COL26A1: variants seen among roughly 807,000 people sequenced by gnomAD.
The protein encoded by COL26A1 is collagen type XXVI alpha 1 chain, also known as collagen alpha-1(XXVI) chain.
A neutral mutation model predicts 59.3 loss-of-function variants in COL26A1; 41 were observed. The ratio of observed to expected loss-of-function variants is 0.69; its 90% CI spans 0.54 to 0.90. The LOEUF is 0.90. Ranked by LOEUF, COL26A1 falls within the 40% of genes least tolerant of loss-of-function variation. The pLI, the probability that COL26A1 is intolerant of heterozygous loss-of-function variation, is 0.00. For missense variants in COL26A1, 612 were observed against 602.3 expected (o/e 1.02, Z -0.17); for synonymous variants, 266 against 256.0 (o/e 1.04, Z -0.37).
intron 3 of COL26A1, among the ~76,000 whole-genome samples, chr7:101,487,136 G>A (rs373891631): frequency 6.6e-6 from 1 of 152,178 alleles, no homozygotes. Flanking sequence ...CCCAGGAACC[G>A]GCAGCACCAG....
chr7:101,403,681 C>G (rs117299096), intron 1 of COL26A1, among the ~76,000 whole-genome samples: 1 of 152,184 alleles, frequency 6.6e-6, no homozygotes, highest in East Asian at 1.9e-4. Context: ...CCAGCCTAAA[C>G]CATCTTTTCA....
chr7:101,438,955 G>A (rs918197381), intron 2 of COL26A1, among the ~76,000 whole-genome samples: 1 of 152,312 alleles, frequency 6.6e-6, no homozygotes, highest in African/African-American at 2.4e-5. Context: ...TGGGATTACA[G>A]GCGTGAGCCA....
At chr7:101,435,599 C>T (rs1040302560) in intron 2 of COL26A1, among the ~76,000 whole-genome samples, 7 of 152,136 alleles carry the variant, frequency 4.6e-5, no homozygotes, top group African/African-American at 1.4e-4. Context: ...GGACGTTGGG[C>T]GTCACGGACA....
intron 3 of COL26A1, among the ~76,000 whole-genome samples, chr7:101,460,824 C>T (rs867930805): frequency 4.6e-5 from 7 of 151,558 alleles, no homozygotes; most frequent in East Asian, 1.9e-4. Context: ...AGCCTCATTG[C>T]GTCTACATCA....
At chr7:101,554,753 A>G (rs1227155572) in intron 11 of COL26A1, among the ~76,000 whole-genome samples, 1 of 151,788 alleles carries the variant, frequency 6.6e-6, no homozygotes, top group Non-Finnish European at 1.5e-5. Context: ...CTAAAACCTA[A>G]AAAAACCCCA....
At chr7:101,509,711 C>A (rs1794882268) in intron 3 of COL26A1, among the ~76,000 whole-genome samples, 1 of 152,098 alleles carries the variant, frequency 6.6e-6, no homozygotes, top group Non-Finnish European at 1.5e-5. Context: ...GGCTTCCTGG[C>A]CTCTTTCAGC....
intron 10 of COL26A1, 94 bp downstream of exon 10, chr7:101,551,237 G>GGTGGGGGGGGGGT: frequency 2.6e-6 from 1 of 386,362 alleles, no homozygotes. Flanking sequence ...TGGTGGGGGG[G>GGTGGGGGGGGGGT]TTCAGCCCTG....
intron 1 of COL26A1, among the ~76,000 whole-genome samples, chr7:101,383,626 C>T (rs1791498485): frequency 6.6e-6 from 1 of 152,140 alleles, no homozygotes; most frequent in African/African-American, 2.4e-5. Flanking sequence ...TCTCTGCCTC[C>T]CCGGTTCAAG....
intron 1 of COL26A1, among the ~76,000 whole-genome samples, chr7:101,380,055 G>A (rs558850674): frequency 2.2e-4 from 34 of 151,332 alleles, no homozygotes; most frequent in Non-Finnish European, 3.4e-4. Flanking sequence ...GCAGTGGTGC[G>A]ATCTCGGCTC....
chr7:101,474,647 A>G (rs1793990252), intron 3 of COL26A1, among the ~76,000 whole-genome samples: 1 of 152,158 alleles, frequency 6.6e-6, no homozygotes, highest in South Asian at 2.1e-4. Flanking sequence ...GTCTGGGGCT[A>G]TGGTGAAAGG....
At chr7:101,443,932 T>C (rs1793122636) in intron 2 of COL26A1, among the ~76,000 whole-genome samples, 1 of 150,902 alleles carries the variant, frequency 6.6e-6, no homozygotes, top group Non-Finnish European at 1.5e-5. Flanking sequence ...AGTGCAGTGG[T>C]TCGATCATGC....
At chr7:101,539,854 G>A (rs768564502) in intron 4 of COL26A1, 39 bp from the exon 5 acceptor site, 33 of 1,590,362 alleles carry the variant, frequency 2.1e-5, no homozygotes, top group Non-Finnish European at 2.8e-5. Flanking sequence ...TATGTGTCAG[G>A]CCCAACTGGG....
intron 3 of COL26A1, among the ~76,000 whole-genome samples, chr7:101,526,984 C>T (rs1033408580): frequency 3.3e-5 from 5 of 152,098 alleles, no homozygotes; most frequent in African/African-American, 7.2e-5. Context: ...TTTGAGACAG[C>T]GTCTCAAAAG....
At chr7:101,551,281 G>T in intron 10 of COL26A1, 138 bp downstream of exon 10, 1 of 914,848 alleles carries the variant, frequency 1.1e-6, no homozygotes, top group Non-Finnish European at 1.7e-6. Flanking sequence ...AACAGGGAGG[G>T]ACTGAGAAAG....
At chr7:101,387,950 T>C (rs1791633329) in intron 1 of COL26A1, among the ~76,000 whole-genome samples, 1 of 150,482 alleles carries the variant, frequency 6.6e-6, no homozygotes, top group Admixed American at 6.7e-5. Flanking sequence ...TTGTTTCTTA[T>C]TAAAGAGGGG....
intron 1 of COL26A1, among the ~76,000 whole-genome samples, chr7:101,385,114 C>T (rs1791533907): frequency 1.3e-5 from 2 of 151,828 alleles, no homozygotes; most frequent in African/African-American, 4.8e-5. Flanking sequence ...CCTCCTCACC[C>T]AGTCCACTGA....
At chr7:101,499,842 T>C (rs7803909) in intron 3 of COL26A1, among the ~76,000 whole-genome samples, 14,602 of 148,968 alleles carry the variant, frequency 0.098, 725 homozygotes, top group African/African-American at 0.1. Flanking sequence ...TTCACATCAC[T>C]GCACTCCAAC....
chr7:101,502,082 G>A (rs780915072), intron 3 of COL26A1, among the ~76,000 whole-genome samples: 22 of 152,214 alleles, frequency 1.4e-4, no homozygotes, highest in Non-Finnish European at 2.9e-4. Context: ...GGGTGCGGTG[G>A]CTGACGCCTA....
At chr7:101,443,545 A>G (rs1267509207) in intron 2 of COL26A1, among the ~76,000 whole-genome samples, 1 of 152,186 alleles carries the variant, frequency 6.6e-6, no homozygotes, top group African/African-American at 2.4e-5. Context: ...GCTCGATGTC[A>G]GCAGATTTAA....
Sources: gnomAD v4.1 joint callset for allele counts (sites outside exome capture counted in the v4.1 genomes callset) on GRCh38, gnomAD v4.1.1 for gene constraint, MANE v1.5 for transcripts, NCBI Gene and HGNC (gene_info 2026-07-23, HGNC 2026-07-21) for gene names.